NPR2: variants seen among roughly 807,000 people sequenced by gnomAD.
NPR2 encodes the protein natriuretic peptide receptor 2.
NPR2 carries 49 observed loss-of-function variants against 120.7 expected under a neutral mutation model. The observed-to-expected ratio is 0.41, with a 90% CI of 0.32 to 0.52. NPR2 has a LOEUF of 0.52. Among genes scored for constraint, NPR2 ranks in the 20% least tolerant of loss-of-function variants. The pLI, the probability that NPR2 is intolerant of heterozygous loss-of-function variation, is 0.36. For missense variants in NPR2, 931 were observed against 1,362.9 expected (o/e 0.68, Z 4.99); for synonymous variants, 484 against 519.8 (o/e 0.93, Z 0.94).
Position 35,794,019 on chromosome 9 carries a change from T to A in NPR2, c.789T>A (p.Arg263=). 1 of 1,614,180 alleles carries A rather than the reference T, an allele frequency of 6.2e-7. No individual in the cohort carries two copies. Among genetic ancestry groups the A allele is most frequent in the South Asian group, 1.1e-5 (1 of 91,084 alleles). The change falls in exon 2 of 22, where the codon CGT becomes CGA. Residue 263 remains arginine (R), a synonymous_variant. Transcript: ENST00000342694. ...FYLDVFGESL[R]AGPTRATGRP... ...TGGATGTCTTTGGGGAGAGTCTCCG[T>A]GCAGGCCCCACACGTGCTACAGGCC...
In NPR2 at chr9:35,800,576, G is replaced by A; in HGVS notation, c.1218+93G>A. ...GGCAGAACCAAAACTACTAGATGAG[G>A]GATTTGTTTTCTCTGCTGGCACTGC... On this transcript the variant is annotated intron_variant, in intron 5 of 21. Transcript: ENST00000342694. The surrounding 1 kb of genome is among the most constrained non-coding windows in gnomAD (Gnocchi z 4.7). 1 of 1,571,586 alleles carries A rather than the reference G, an allele frequency of 6.4e-7. No homozygotes were observed. Among genetic ancestry groups the A allele is most frequent in the Non-Finnish European group, 8.8e-7 (1 of 1,142,542 alleles).
At chr9:35,796,940 C>G (rs1339923508) in intron 2 of NPR2, among the ~76,000 whole-genome samples, 2 of 152,202 alleles carry the variant, frequency 1.3e-5, no homozygotes, top group African/African-American at 4.8e-5. Flanking sequence ...GAAAGGAGGC[C>G]TTGACACAGA....
chr9:35,797,300 A>G (rs1210043379), intron 2 of NPR2, among the ~76,000 whole-genome samples: 1 of 152,192 alleles, frequency 6.6e-6, no homozygotes, highest in East Asian at 1.9e-4. Flanking sequence ...CTAAATAAGC[A>G]ATGACCAGGC....
intron 8 of NPR2, 43 bp downstream of exon 8, chr9:35,801,806 C>T (rs980603608): frequency 1.9e-6 from 3 of 1,613,674 alleles, no homozygotes; most frequent in Middle Eastern, 1.6e-4. Context: ...CCTCTGAGTT[C>T]CTGTCCCTTC....
rs780528803 is a variant in NPR2, at chr9:35,809,199, T to A, written c.3030T>A (p.Asp1010Glu). The A allele has an allele frequency of 6.2e-7, 1 of 1,613,968 alleles. No individual in the cohort carries two copies. The highest frequency in any genetic ancestry group is 8.5e-7 in the Non-Finnish European group (1 of 1,179,972). Reference sequence around the variant, plus strand: ...CCTCTACCACCAAGGATGCCCTAGATGAGCTAGGATGCTTCCAGCTAGAGC... The same window carrying A: ...CCTCTACCACCAAGGATGCCCTAGAAGAGCTAGGATGCTTCCAGCTAGAGC... ...HVSSTTKDAL[D>E]ELGCFQLELR... is the part of the protein sequence containing the mutation. The change falls in exon 21 of 22, where the codon GAT becomes GAA. Residue 1010 changes from aspartate to glutamate, a missense_variant. This residue lies in a region of NPR2 where 184 missense variants were observed against 328.3 expected (regional missense o/e 0.56). Coordinates refer to ENST00000342694, the MANE Select transcript of NPR2 (RefSeq NM_003995.4). The surrounding 1 kb of genome is among the most constrained non-coding windows in gnomAD (Gnocchi z 4.1).
chr9:35,803,856 A>G (rs1422671242), intron 12 of NPR2, among the ~76,000 whole-genome samples: 1 of 152,252 alleles, frequency 6.6e-6, no homozygotes, highest in African/African-American at 2.4e-5. Flanking sequence ...AGATAAAAAT[A>G]TTAGTAAAGC....
chr9:35,793,091 G>C lies in NPR2; in HGVS notation c.667+16G>C, dbSNP rs769449817. ...AACGGGCGCAGTGAGTGTGGCCTGG[G>C]CTATTTTAGGGTCATGGGAGGAGGG... On this transcript the variant is annotated intron_variant, in intron 1 of 21. Transcript: ENST00000342694. 1.3e-6 allele frequency: 2 copies of C among 1,577,996 alleles called. No homozygotes were observed. The highest frequency in any genetic ancestry group is 3.4e-5 in the Admixed American group (2 of 58,692).
At chr9:35,807,188 GTA>G in intron 17 of NPR2, 42 bp downstream of exon 17, 1 of 464,588 alleles carries the variant, frequency 2.2e-6, no homozygotes, top group Non-Finnish European at 4.3e-6. Context: ...GGTTGGGTGG[GTA>G]GGGACCTGGG....
Position 35,808,991 on chromosome 9 carries a change from T to C in NPR2, c.2986+138T>C, listed in dbSNP as rs542379935. The C allele has an allele frequency of 1.7e-5, 16 of 928,064 alleles. No individual in the cohort carries two copies. Among genetic ancestry groups the C allele is most frequent in the Non-Finnish European group, 2.5e-5 (14 of 561,954 alleles). The allele number at this position is 928,064 out of a possible 1,614,324, so 57.5% of individuals were successfully genotyped here. A position where few individuals can be genotyped will look rare whatever the true frequency, so the allele number is the denominator to read the frequency against. On this transcript the variant is annotated intron_variant, in intron 20 of 21. Coordinates refer to ENST00000342694, the MANE Select transcript of NPR2 (RefSeq NM_003995.4). The surrounding 1 kb of genome is among the most constrained non-coding windows in gnomAD (Gnocchi z 4.0). ...ATCCTCGGGCATATTTTGGTTCTAA[T>C]AGATATGCATTGGGAGGTTGGGCAT... is the stretch of plus-strand genomic sequence containing the variant.
In NPR2 at chr9:35,794,215, A is replaced by T. The variant is rs960524799; in HGVS notation, c.873+112A>T. On this transcript the variant is annotated intron_variant, in intron 2 of 21. Transcript: ENST00000342694. ...GAACCAGGCAGGAATTGTGAGCCACAGGAGTAAAATGAACAGAGGCATTCT... is the reference window on the plus strand; with the variant it reads ...GAACCAGGCAGGAATTGTGAGCCACTGGAGTAAAATGAACAGAGGCATTCT... 19 of 1,009,490 alleles carry T rather than the reference A, an allele frequency of 1.9e-5. No individual in the cohort carries two copies. The East Asian group carries it at 4.7e-4, about 25-fold the overall frequency. 62.5% of individuals were successfully genotyped at this position (1,009,490 alleles called of 1,614,324 possible).
chr9:35,808,328 A>G lies in NPR2; in HGVS notation c.2713-181A>G, dbSNP rs777054116. Reference sequence around the variant, plus strand: ...GGTGCTGGGTGGAGAAAGAAGACTTAAAGATTCCCTAGACATCTCCTCTCC... The same window carrying G: ...GGTGCTGGGTGGAGAAAGAAGACTTGAAGATTCCCTAGACATCTCCTCTCC... On this transcript the variant is annotated intron_variant, in intron 18 of 21. Transcript: ENST00000342694. This position sits in a 1 kb window ranked among gnomAD's most constrained non-coding sequence, Gnocchi z 4.0. 1.9e-6 allele frequency: 3 copies of G among 1,562,628 alleles called. No homozygotes were observed. Among genetic ancestry groups the G allele is most frequent in the African/African-American group, 2.7e-5 (2 of 73,818 alleles).
At position 35,791,967 on chromosome 9, in the gene NPR2, A is replaced by T. The variant is rs570408656; in HGVS notation, c.-442A>T. On this transcript the variant is annotated 5_prime_UTR_variant, in exon 1 of 22. Transcript: ENST00000342694. Reference sequence around the variant, plus strand: ...TTACCCCCTTGGTCCTATGTGGCGCAGCGCCCTCCTGCCCTCCCGGCCCTT... The same window carrying T: ...TTACCCCCTTGGTCCTATGTGGCGCTGCGCCCTCCTGCCCTCCCGGCCCTT... 3.6e-4 allele frequency among the ~76,000 whole-genome samples: 54 copies of T among 149,092 alleles called. No individual in the cohort carries two copies. Among genetic ancestry groups the T allele is most frequent in the Admixed American group, 3.2e-3 (49 of 15,084 alleles).
Position 35,808,957 on chromosome 9 carries a change from T to C in NPR2, c.2986+104T>C. 1 of 942,588 alleles carries C rather than the reference T, an allele frequency of 1.1e-6. No individual in the cohort carries two copies. Among genetic ancestry groups the C allele is most frequent in the South Asian group, 1.3e-5 (1 of 76,836 alleles). 58.4% of individuals were successfully genotyped at this position (942,588 alleles called of 1,614,324 possible). A position where few individuals can be genotyped will look rare whatever the true frequency, so the allele number is the denominator to read the frequency against. On this transcript the variant is annotated intron_variant, in intron 20 of 21. Coordinates refer to ENST00000342694, the MANE Select transcript of NPR2 (RefSeq NM_003995.4). The surrounding 1 kb of genome is among the most constrained non-coding windows in gnomAD (Gnocchi z 4.0). ...CTTAATCTGAGAGACCACAGTTCCTTAGTGTCGCATCCTCGGGCATATTTT... is the reference window on the plus strand; with the variant it reads ...CTTAATCTGAGAGACCACAGTTCCTCAGTGTCGCATCCTCGGGCATATTTT...
rs1828580181 is a variant in NPR2, at chr9:35,808,863, T to A, written c.2986+10T>A. 2 of 1,509,730 alleles carry A rather than the reference T, an allele frequency of 1.3e-6. No individual in the cohort carries two copies. The highest frequency in any genetic ancestry group is 1.7e-4 in the Middle Eastern group (1 of 5,878). 93.5% of individuals were successfully genotyped at this position (1,509,730 alleles called of 1,614,324 possible). A position where few individuals can be genotyped will look rare whatever the true frequency, so the allele number is the denominator to read the frequency against. On this transcript the variant is annotated intron_variant, in intron 20 of 21. Coordinates refer to ENST00000342694, the MANE Select transcript of NPR2 (RefSeq NM_003995.4). This position sits in a 1 kb window ranked among gnomAD's most constrained non-coding sequence, Gnocchi z 4.0. Reference sequence around the variant, plus strand: ...GAGTCTAATGGTCAAGGTAAGACATTAGCCCTCAACCCCACTGTTGGCCTC... The same window carrying A: ...GAGTCTAATGGTCAAGGTAAGACATAAGCCCTCAACCCCACTGTTGGCCTC...
rs1457083665 is a variant in NPR2 at position 35,805,906 on chromosome 9, T to C, written c.2124T>C (p.Tyr708=). 6.2e-7 allele frequency: 1 copy of C among 1,614,188 alleles called. No individual in the cohort carries two copies. The highest frequency in any genetic ancestry group is 1.7e-5 in the Admixed American group (1 of 60,032). ...PTTGMQKADV[Y]SFGIILQEIA... is the part of the protein sequence containing the mutation. ...CAGGCATGCAGAAGGCTGACGTCTA[T>C]AGCTTTGGGATCATCCTGCAGGAGA... The change falls in exon 14 of 22, where the codon TAT becomes TAC. Residue 708 remains tyrosine (Y), a synonymous_variant. Coordinates refer to ENST00000342694, the MANE Select transcript of NPR2 (RefSeq NM_003995.4). This position sits in a 1 kb window ranked among gnomAD's most constrained non-coding sequence, Gnocchi z 4.9.
In NPR2 at chr9:35,805,947, G is replaced by A. The variant is rs765596977; in HGVS notation, c.2165G>A (p.Gly722Asp). 1 of 1,614,166 alleles carries A rather than the reference G, an allele frequency of 6.2e-7. No individual in the cohort carries two copies. The highest frequency in any genetic ancestry group is 1.7e-5 in the Admixed American group (1 of 60,030). The change falls in exon 14 of 22, where the codon GGT becomes GAT. Residue 722 changes from glycine to aspartate, a missense_variant. Transcript: ENST00000342694. The surrounding 1 kb of genome is among the most constrained non-coding windows in gnomAD (Gnocchi z 4.9). ...IILQEIALRS[G>D]PFYLEGLDLS... is the part of the protein sequence containing the mutation. ...CTGCAGGAGATAGCACTTCGCAGTG[G>A]TCCTTTCTACTTGGAGGGCCTGGAC...
In NPR2 at chr9:35,806,497, A is replaced by G; in HGVS notation, c.2478A>G (p.Glu826=). The G allele has an allele frequency of 6.2e-7, 1 of 1,614,188 alleles. No individual in the cohort carries two copies. The highest frequency in any genetic ancestry group is 2.2e-5 in the East Asian group (1 of 44,882). The change falls in exon 16 of 22, where the codon GAA becomes GAG. Residue 826 remains glutamate, a synonymous_variant. Coordinates refer to ENST00000342694, the MANE Select transcript of NPR2 (RefSeq NM_003995.4). The surrounding 1 kb of genome is among the most constrained non-coding windows in gnomAD (Gnocchi z 4.6). ...VEERTQAYLE[E]KRKAEALLYQ... ...AACGCACACAGGCCTATCTGGAGGAAAAACGCAAGGCTGAAGCTCTGCTCT... is the reference window on the plus strand; with the variant it reads ...AACGCACACAGGCCTATCTGGAGGAGAAACGCAAGGCTGAAGCTCTGCTCT...
chr9:35,800,003 C>A lies in NPR2; in HGVS notation c.988-19C>A. On this transcript the variant is annotated intron_variant, in intron 3 of 21. Transcript: ENST00000342694. The surrounding 1 kb of genome is among the most constrained non-coding windows in gnomAD (Gnocchi z 4.7). ...CTTGCAGGACATTTGGAGAGTACTG[C>A]TGAAGTTGCCACCCCCAGATGAACC... is the stretch of plus-strand genomic sequence containing the variant. The A allele has an allele frequency of 1.2e-6, 2 of 1,613,536 alleles. No homozygotes were observed. Among genetic ancestry groups the A allele is most frequent in the Non-Finnish European group, 1.7e-6 (2 of 1,179,982 alleles).
At position 35,800,990 on chromosome 9, in the gene NPR2, G is replaced by A. The variant is rs1828129813; in HGVS notation, c.1352-80G>A. 1.3e-6 allele frequency: 2 copies of A among 1,522,832 alleles called. No homozygotes were observed. The highest frequency in any genetic ancestry group is 1.8e-6 in the Non-Finnish European group (2 of 1,096,784). The allele number at this position is 1,522,832 out of a possible 1,614,324, so 94.3% of individuals were successfully genotyped here. A position where few individuals can be genotyped will look rare whatever the true frequency, so the allele number is the denominator to read the frequency against. On this transcript the variant is annotated intron_variant, in intron 6 of 21. Transcript: ENST00000342694. This position sits in a 1 kb window ranked among gnomAD's most constrained non-coding sequence, Gnocchi z 4.7. The stretch of plus-strand genomic sequence containing the variant: ...ATTTCTTCCTACTCCCAAGGAGTCT[G>A]TCTATGCACCTATGCACCCCGTTCT...
Sources: allele counts gnomAD v4.1 joint callset (sites outside exome capture counted in the v4.1 genomes callset), GRCh38; gene constraint gnomAD v4.1.1; regional missense constraint gnomAD v4.1.1; non-coding constraint Gnocchi (gnomAD v3.1); transcripts MANE v1.5; gene names NCBI Gene and HGNC (gene_info 2026-07-23, HGNC 2026-07-21).